Variants in TRIM37 observed in about 807,000 individuals in gnomAD.
TRIM37 encodes the protein E3 ubiquitin-protein ligase TRIM37.
Under a neutral mutation model 129.8 loss-of-function variants are expected in TRIM37, and 80 were observed. The ratio of observed to expected loss-of-function variants is 0.62; its 90% CI spans 0.51 to 0.74. The LOEUF (loss-of-function observed/expected upper bound fraction) is 0.74, where lower values mean the gene tolerates loss of function less well. TRIM37 is among the 30% of genes least tolerant of loss of function. The pLI, the probability that TRIM37 is intolerant of heterozygous loss-of-function variation, is 0.00. For missense variants in TRIM37, 1,054 were observed against 1,176.5 expected, an observed-to-expected ratio of 0.90 and a Z score of 1.52; for synonymous variants, 389 against 387.1, an observed-to-expected ratio of 1.00 and a Z score of -0.06.
downstream of TRIM37, among the ~76,000 whole-genome samples, chr17:58,996,624 T>A (rs1044578991): frequency 2.0e-5 from 3 of 151,052 alleles, no homozygotes; most frequent in Non-Finnish European, 4.4e-5. Flanking sequence ...CCACAAAAAA[T>A]AGAAAAATTA....
intron 20 of TRIM37, among the ~76,000 whole-genome samples, chr17:59,016,058 T>C (rs1262798175): frequency 1.3e-5 from 2 of 152,094 alleles, no homozygotes; most frequent in East Asian, 1.9e-4. Flanking sequence ...TCAGTTACAT[T>C]AGAAAATCTC....
intron 16 of TRIM37, among the ~76,000 whole-genome samples, chr17:59,047,038 T>C (rs1040242522): frequency 6.6e-6 from 1 of 151,514 alleles, no homozygotes; most frequent in Non-Finnish European, 1.5e-5. Flanking sequence ...CCTGTAGTTC[T>C]AGCTGCTCGG....
intron 4 of TRIM37, 121 bp from the exon 5 acceptor site, chr17:59,084,210 T>C: frequency 2.6e-6 from 2 of 756,210 alleles, no homozygotes; most frequent in Admixed American, 2.3e-5. Context: ...AAACACAGTA[T>C]AAAATGTACT....
At chr17:59,097,659 AG>A (rs1432869399) in intron 2 of TRIM37, among the ~76,000 whole-genome samples, 2 of 152,164 alleles carry the variant, frequency 1.3e-5, no homozygotes, top group Non-Finnish European at 2.9e-5. Flanking sequence ...TCTTGAACCC[AG>A]GAAGTTGAGG....
chr17:58,998,781 G>A lies in TRIM37; in HGVS notation c.*596C>T, dbSNP rs939493476. On this transcript the variant is annotated 3_prime_UTR_variant, in exon 24 of 24. Transcript: ENST00000262294. Reference sequence around the variant, plus strand: ...GTCACACAACAGAAAGATACCATGCGGTTGAACAGTGTGCCTGTACTTGAA... The same window carrying A: ...GTCACACAACAGAAAGATACCATGCAGTTGAACAGTGTGCCTGTACTTGAA... 1.1e-5 allele frequency: 11 copies of A among 986,112 alleles called. No homozygotes were observed. The highest frequency in any genetic ancestry group is 3.5e-5 in the African/African-American group (2 of 57,182). The allele number at this position is 986,112 out of a possible 1,614,324, so 61.1% of individuals were successfully genotyped here. A position where few individuals can be genotyped will look rare whatever the true frequency, so the allele number is the denominator to read the frequency against.
At chr17:59,097,104 G>C (rs575738753) in intron 2 of TRIM37, among the ~76,000 whole-genome samples, 9 of 152,052 alleles carry the variant, frequency 5.9e-5, no homozygotes, top group African/African-American at 2.2e-4. Flanking sequence ...AGAAATAGAA[G>C]GGAACTTCCT....
chr17:59,068,201 G>C (rs997473886), intron 9 of TRIM37, among the ~76,000 whole-genome samples: 18 of 152,316 alleles, frequency 1.2e-4, no homozygotes, highest in African/African-American at 4.3e-4. Context: ...TAACAGACTA[G>C]CGAGCATTGT....
intron 2 of TRIM37, among the ~76,000 whole-genome samples, chr17:59,096,411 G>A (rs2044872363): frequency 6.6e-6 from 1 of 151,936 alleles, no homozygotes; most frequent in East Asian, 1.9e-4. Context: ...AATTAGCCAG[G>A]CATGGTGGTG....
chr17:58,995,871 A>T (rs1567920517), downstream of TRIM37, among the ~76,000 whole-genome samples: 2 of 151,986 alleles, frequency 1.3e-5, no homozygotes, highest in Non-Finnish European at 2.9e-5. Context: ...TCCCAGTGTG[A>T]CTGCGCATGC....
chr17:59,013,115 T>A (rs184179428), intron 21 of TRIM37, among the ~76,000 whole-genome samples: 1 of 152,234 alleles, frequency 6.6e-6, no homozygotes, highest in East Asian at 1.9e-4. Context: ...AAATAATATG[T>A]TCTAATAGGG....
intron 14 of TRIM37, among the ~76,000 whole-genome samples, chr17:59,050,177 C>T (rs2040203087): frequency 6.6e-6 from 1 of 152,174 alleles, no homozygotes; most frequent in African/African-American, 2.4e-5. Context: ...GATGGGACAA[C>T]TTTTAATTGT....
intron 24 of TRIM37, among the ~76,000 whole-genome samples, chr17:58,985,713 G>T (rs905173698): frequency 6.6e-6 from 1 of 152,156 alleles, no homozygotes; most frequent in Non-Finnish European, 1.5e-5. Flanking sequence ...CCTTCCAAAC[G>T]AGTCAACCTT....
chr17:59,081,259 C>A (rs778675522), intron 5 of TRIM37, 40 bp from the exon 6 acceptor site: 1 of 1,602,108 alleles, frequency 6.2e-7, no homozygotes, highest in East Asian at 2.3e-5. Flanking sequence ...TTTCACATAT[C>A]TCATCTGCAT....
intron 21 of TRIM37, among the ~76,000 whole-genome samples, 200 bp from the exon 22 acceptor site, chr17:59,012,646 G>A (rs1400891810): frequency 6.6e-6 from 1 of 152,126 alleles, no homozygotes; most frequent in Non-Finnish European, 1.5e-5. Context: ...GGGAGGCCAA[G>A]GTGGGTGGAT....
At chr17:58,978,080 G>T (rs1166577791), downstream of TRIM37, among the ~76,000 whole-genome samples, 2 of 152,158 alleles carry the variant, frequency 1.3e-5, no homozygotes, top group Non-Finnish European at 2.9e-5. Context: ...TAGAAATAAT[G>T]AATATATAGT....
intron 15 of TRIM37, 129 bp downstream of exon 15, chr17:59,049,049 T>A: frequency 1.3e-6 from 1 of 755,240 alleles, no homozygotes; most frequent in Non-Finnish European, 2.3e-6. Context: ...AGGGCATACA[T>A]ACATTACTAA....
chr17:59,017,539 T>C (rs1256042719), intron 19 of TRIM37, 115 bp from the exon 20 acceptor site: 29 of 1,416,166 alleles, frequency 2.0e-5, no homozygotes, highest in Non-Finnish European at 2.9e-5. Flanking sequence ...CTCTCTACTG[T>C]CTAAAAATAA....
chr17:59,050,402 A>G (rs2040221662), intron 14 of TRIM37, among the ~76,000 whole-genome samples: 1 of 152,218 alleles, frequency 6.6e-6, no homozygotes, highest in African/African-American at 2.4e-5. Flanking sequence ...TAATTAAGCT[A>G]AATTTACAGA....
chr17:59,025,653 G>T (rs1259191063), intron 19 of TRIM37, among the ~76,000 whole-genome samples: 1 of 151,948 alleles, frequency 6.6e-6, no homozygotes, highest in African/African-American at 2.4e-5. Flanking sequence ...CCTCCTATAT[G>T]CAGGTTTGGC....
Sources: allele counts gnomAD v4.1 joint callset (sites outside exome capture counted in the v4.1 genomes callset), GRCh38; gene constraint gnomAD v4.1.1; transcripts MANE v1.5; gene names NCBI Gene and HGNC (gene_info 2026-07-23, HGNC 2026-07-21).